The following LCTL variants were observed in gnomAD, a reference collection of about 807,000 sequenced individuals.
LCTL encodes the protein lactase-like protein.
In LCTL, 76 loss-of-function variants were observed where a neutral mutation model predicts 75.8. The observed-to-expected ratio is 1.00, with a 90% CI of 0.83 to 1.21. The LOEUF is 1.21. Among genes scored for constraint, LCTL ranks in the 50% most tolerant of loss-of-function variants. LCTL has a pLI of 0.00. For synonymous variants in LCTL, 271 were observed against 268.8 expected (o/e 1.01, Z -0.08); for missense variants, 670 against 712.4 (o/e 0.94, Z 0.68).
intron 11 of LCTL, among the ~76,000 whole-genome samples, chr15:66,551,132 A>AT: frequency 6.6e-6 from 1 of 151,916 alleles, no homozygotes; most frequent in South Asian, 2.1e-4. Flanking sequence ...GCAGATCACG[A>AT]GGTCAAGAGT....
upstream of LCTL, chr15:66,565,985 G>A (rs1237905027): frequency 1.3e-5 from 2 of 152,390 alleles, no homozygotes; most frequent in East Asian, 3.9e-4. Flanking sequence ...GCTCTGGTTG[G>A]GGGTGTGGTC....
chr15:66,555,564 G>A (rs1297825974), intron 8 of LCTL, among the ~76,000 whole-genome samples: 1 of 151,842 alleles, frequency 6.6e-6, no homozygotes, highest in African/African-American at 2.4e-5. Context: ...AAGAAAGAAA[G>A]AAAAAGAAAA....
intron 8 of LCTL, among the ~76,000 whole-genome samples, chr15:66,555,732 A>G (rs918159246): frequency 6.6e-6 from 1 of 152,248 alleles, no homozygotes; most frequent in Non-Finnish European, 1.5e-5. Context: ...CACTAGCAAC[A>G]GAATAAAAAA....
exon 8 of LCTL, chr15:66,557,778 C>A (rs1397567113): frequency 6.2e-7 from 1 of 1,614,026 alleles, no homozygotes; most frequent in African/African-American, 1.3e-5. Flanking sequence ...GTTGGCAAAC[C>A]AGCCCAGACA....
intron 9 of LCTL, among the ~76,000 whole-genome samples, chr15:66,552,667 CAAAAA>C (rs752480803): frequency 1.9e-5 from 1 of 53,106 alleles, no homozygotes; most frequent in Non-Finnish European, 4.6e-5. Context: ...GAGACTGTCT[CAAAAA>C]AAAAAAAAAA....
At chr15:66,559,669 C>T (rs1037367822) in intron 6 of LCTL, among the ~76,000 whole-genome samples, 11 of 152,284 alleles carry the variant, frequency 7.2e-5, no homozygotes, top group Admixed American at 6.5e-4. Context: ...GATCGTGCCA[C>T]TGCACTCCAG....
At chr15:66,564,930 T>C in intron 1 of LCTL, 91 bp from the exon 3 acceptor site, 1 of 1,242,104 alleles carries the variant, frequency 8.1e-7, no homozygotes, top group East Asian at 2.3e-5. Context: ...CCTCAGGGAC[T>C]GCCCCTCCCT....
At chr15:66,548,105 AG>A (rs1268776121) in exon 13 of LCTL, 4 of 154,002 alleles carry the variant, frequency 2.6e-5, no homozygotes, top group Admixed American at 2.6e-4. Flanking sequence ...TTTATCTATC[AG>A]GTATGGGACA....
At chr15:66,548,757 G>A (rs2140826253) in intron 12 of LCTL, 152 bp from the exon 14 acceptor site, 1 of 460,598 alleles carries the variant, frequency 2.2e-6, no homozygotes, top group South Asian at 4.5e-5. Context: ...ATAGAACTTA[G>A]TAAATTAAAT....
chr15:66,563,893 G>A lies in LCTL; in HGVS notation c.370+18C>T, dbSNP rs115415631. The A allele has an allele frequency of 7.3e-4, 1,178 of 1,606,720 alleles. 5 individuals are homozygous for A. The African/African-American group carries it at 0.014, about 20-fold the overall frequency. On this transcript the variant is annotated intron_variant, in intron 3 of 12. Transcript: ENST00000341509. ...GAAGGGGCCTCACTTGGGTTCAAGA[G>A]GGGCTTCCCTAGCTCACCTCGGATG...
chr15:66,564,516 C>A (rs1895972245), intron 2 of LCTL, 160 bp downstream of exon 3: 9 of 792,698 alleles, frequency 1.1e-5, no homozygotes, highest in Non-Finnish European at 1.7e-5. Context: ...ACTGGCCCTG[C>A]CCCCTCTGGC....
rs1436444151 is a variant in LCTL, at chr15:66,560,825, T to C, written c.705+181A>G. On this transcript the variant is annotated intron_variant, in intron 6 of 12. Coordinates refer to ENST00000341509, the Ensembl canonical transcript of LCTL. ...GGGAGTCGCTATAACAGCTCAGCCA[T>C]AGTGTCCCCCAGCGCCCTGAATGAC... 3.3e-5 allele frequency among the ~76,000 whole-genome samples: 5 copies of C among 152,142 alleles called. No individual in the cohort carries two copies. In the East Asian group the frequency reaches 9.6e-4, roughly 29 times the overall value.
chr15:66,551,802 C>T, exon 11 of LCTL: 1 of 1,613,948 alleles, frequency 6.2e-7, no homozygotes, highest in Admixed American at 1.7e-5. Flanking sequence ...TTCTCCCATT[C>T]AAACTTATCC....
intron 4 of LCTL, among the ~76,000 whole-genome samples, chr15:66,562,143 C>G (rs1895903852): frequency 6.6e-6 from 1 of 152,196 alleles, no homozygotes; most frequent in Admixed American, 6.5e-5. Flanking sequence ...TGGCTCACGC[C>G]TGTAATCCTA....
intron 11 of LCTL, among the ~76,000 whole-genome samples, chr15:66,551,373 C>T (rs951965190): frequency 3.2e-5 from 4 of 126,582 alleles, no homozygotes; most frequent in African/African-American, 1.2e-4. Flanking sequence ...AAAAAAAAGA[C>T]ACGAGATTTA....
At position 66,565,351 on chromosome 15, in the gene LCTL, C is replaced by T; in HGVS notation, c.15G>A (p.Trp5Ter). 6.2e-7 allele frequency: 1 copy of T among 1,611,052 alleles called. No individual in the cohort carries two copies. The highest frequency in any genetic ancestry group is 8.5e-7 in the Non-Finnish European group (1 of 1,178,292). ...GTAGCATCCACAGAAGGGTGGCGAC[C>T]CACACTGGCTTCATGGTGCCTGGCC... Residue 5 changes from tryptophan to a stop codon, truncating the protein, a stop_gained, in exon 1 of 13, where the codon TGG becomes TGA. Transcript: ENST00000341509. LOFTEE classifies it high-confidence loss of function.
chr15:66,548,663 C>T, intron 12 of LCTL, 58 bp from the exon 14 acceptor site: 1 of 860,386 alleles, frequency 1.2e-6, no homozygotes, highest in Non-Finnish European at 2.0e-6. Flanking sequence ...TTAGTAAATA[C>T]AGCTTTATCC....
intron 12 of LCTL, chr15:66,549,496 T>C (rs926438867): frequency 6.6e-6 from 1 of 152,236 alleles, no homozygotes; most frequent in Non-Finnish European, 1.5e-5. Context: ...TAATATGTGT[T>C]GGCATTTCTT....
At chr15:66,552,300 A>G in intron 9 of LCTL, 131 bp from the exon 11 acceptor site, 2 of 656,504 alleles carry the variant, frequency 3.0e-6, no homozygotes, top group Non-Finnish European at 5.2e-6. Flanking sequence ...GGCATTTAGT[A>G]GATGTCAGAT....
Sources: gnomAD v4.1 joint callset for allele counts (sites outside exome capture counted in the v4.1 genomes callset) on GRCh38, gnomAD v4.1.1 for gene constraint, MANE v1.5 for transcripts, NCBI Gene and HGNC (gene_info 2026-07-23, HGNC 2026-07-21) for gene names.